The following PDZRN4 variants were observed in gnomAD, a reference collection of about 807,000 sequenced individuals.
The protein encoded by PDZRN4 is PDZ domain-containing RING finger protein 4.
In PDZRN4, 70 loss-of-function variants were observed where a neutral mutation model predicts 99.0. That is an observed-to-expected ratio of 0.71 (90% confidence interval 0.58 to 0.86). The LOEUF is 0.86. Ranked by LOEUF, PDZRN4 falls within the 40% of genes least tolerant of loss-of-function variation. PDZRN4 has a pLI of 0.00. For synonymous variants in PDZRN4, 551 were observed against 501.6 expected (o/e 1.10, Z -1.32); for missense variants, 1,474 against 1,331.2 (o/e 1.11, Z -1.67).
intron 3 of PDZRN4, among the ~76,000 whole-genome samples, chr12:41,310,170 C>T (rs1951597253): frequency 6.6e-6 from 1 of 151,988 alleles, no homozygotes; most frequent in Non-Finnish European, 1.5e-5. Flanking sequence ...TGACCTCAAG[C>T]GATCCACCCG....
At chr12:41,291,255 AT>A (rs11341750) in intron 3 of PDZRN4, among the ~76,000 whole-genome samples, 8,520 of 152,212 alleles carry the variant, frequency 0.056, 261 homozygotes, top group Non-Finnish European at 0.062. Flanking sequence ...AAACACTATT[AT>A]TTGTTCTAAT....
At chr12:41,475,794 T>C (rs34598995) in intron 3 of PDZRN4, among the ~76,000 whole-genome samples, 2 of 152,210 alleles carry the variant, frequency 1.3e-5, no homozygotes, top group Non-Finnish European at 2.9e-5. Context: ...CTGGATGATA[T>C]CTTGAACACA....
chr12:41,343,054 A>G (rs759780122), intron 3 of PDZRN4, among the ~76,000 whole-genome samples: 1 of 151,990 alleles, frequency 6.6e-6, no homozygotes, highest in Non-Finnish European at 1.5e-5. Context: ...GAAAAAGAAT[A>G]AAATACTATC....
intron 3 of PDZRN4, among the ~76,000 whole-genome samples, chr12:41,227,316 C>G (rs1951001404): frequency 1.3e-5 from 2 of 152,112 alleles, no homozygotes; most frequent in Non-Finnish European, 2.9e-5. Context: ...CCCATTGCTT[C>G]TCTATATTTT....
intron 3 of PDZRN4, among the ~76,000 whole-genome samples, chr12:41,367,626 A>G (rs1952011133): frequency 6.6e-6 from 1 of 152,030 alleles, no homozygotes; most frequent in African/African-American, 2.4e-5. Flanking sequence ...TCCTTCATGA[A>G]CACTTTCACA....
intron 3 of PDZRN4, among the ~76,000 whole-genome samples, chr12:41,343,582 G>A (rs895002497): frequency 2.7e-5 from 4 of 146,320 alleles, no homozygotes; most frequent in Admixed American, 6.9e-5. Context: ...GACTGGAGAG[G>A]GGAAGTGGGG....
At chr12:41,352,868 C>T (rs998203860) in intron 3 of PDZRN4, among the ~76,000 whole-genome samples, 2 of 152,046 alleles carry the variant, frequency 1.3e-5, no homozygotes, top group African/African-American at 4.8e-5. Context: ...TAAAACTACA[C>T]ATGTGAAAAG....
chr12:41,479,201 A>T (rs954996622), intron 3 of PDZRN4, among the ~76,000 whole-genome samples: 4 of 152,140 alleles, frequency 2.6e-5, no homozygotes, highest in Non-Finnish European at 4.4e-5. Context: ...CCTGACTTGG[A>T]TGTGGGTATC....
chr12:41,485,438 G>T (rs556522417), intron 3 of PDZRN4, among the ~76,000 whole-genome samples: 1 of 152,128 alleles, frequency 6.6e-6, no homozygotes, highest in African/African-American at 2.4e-5. Flanking sequence ...AGGACTCACC[G>T]GAGGTGTTGC....
chr12:41,346,163 T>C (rs1951852951), intron 3 of PDZRN4, among the ~76,000 whole-genome samples: 1 of 152,126 alleles, frequency 6.6e-6, no homozygotes, highest in Non-Finnish European at 1.5e-5. Context: ...GTATGAACTA[T>C]ATTTGGTTTA....
rs1477214726 is a variant in PDZRN4, at chr12:41,191,469, T to G, written c.660T>G (p.His220Gln). The change falls in exon 2 of 10, where the codon CAT becomes CAG. Residue 220 changes from histidine to glutamine, a missense_variant. By Grantham distance (24) the His-to-Gln change is conservative. Coordinates refer to ENST00000402685, the MANE Select transcript of PDZRN4 (RefSeq NM_001164595.2). ...LGGGHRRDGE[H>Q]KPFTIVLERE... ...ACATTTTTTTCTAGGATGGAGAGCA[T>G]AAGCCATTCACTATTGTGTTAGAAA... 6.5e-7 allele frequency: 1 copy of G among 1,536,680 alleles called. No homozygotes were observed. Among genetic ancestry groups the G allele is most frequent in the Admixed American group, 1.7e-5 (1 of 59,460 alleles).
intron 4 of PDZRN4, among the ~76,000 whole-genome samples, chr12:41,507,519 A>T (rs964532231): frequency 3.3e-5 from 5 of 152,120 alleles, no homozygotes; most frequent in African/African-American, 1.2e-4. Context: ...GATCTGAGTC[A>T]TGCCACTTTC....
chr12:41,424,233 A>T (rs1274938030), intron 3 of PDZRN4, among the ~76,000 whole-genome samples: 4 of 152,132 alleles, frequency 2.6e-5, no homozygotes, highest in African/African-American at 9.7e-5. Context: ...TTCCTCTGAG[A>T]GTTCATATTT....
At chr12:41,328,428 C>T (rs1951723097) in intron 3 of PDZRN4, among the ~76,000 whole-genome samples, 1 of 152,062 alleles carries the variant, frequency 6.6e-6, no homozygotes. Context: ...ACATGAGAGG[C>T]TTAGGAAGCA....
intron 3 of PDZRN4, among the ~76,000 whole-genome samples, chr12:41,405,812 C>A (rs1237763236): frequency 1.3e-5 from 2 of 152,124 alleles, no homozygotes; most frequent in Non-Finnish European, 2.9e-5. Context: ...ATGGGTAGAG[C>A]TGGAGGCCAT....
At chr12:41,534,749 G>C (rs573152512) in intron 5 of PDZRN4, among the ~76,000 whole-genome samples, 1 of 152,062 alleles carries the variant, frequency 6.6e-6, no homozygotes, top group Admixed American at 6.5e-5. Flanking sequence ...CAGATGTTTT[G>C]TCTCAGCACA....
intron 3 of PDZRN4, among the ~76,000 whole-genome samples, chr12:41,450,990 T>A (rs1293975700): frequency 6.6e-6 from 1 of 151,788 alleles, no homozygotes; most frequent in East Asian, 1.9e-4. Flanking sequence ...ATATATATAA[T>A]GTAAAATTTT....
intron 3 of PDZRN4, among the ~76,000 whole-genome samples, chr12:41,495,287 C>T (rs1937975913): frequency 6.6e-6 from 1 of 152,012 alleles, no homozygotes; most frequent in Non-Finnish European, 1.5e-5. Flanking sequence ...CTAAAATAAC[C>T]TCTGAAAATG....
At chr12:41,397,361 T>G (rs1400849827) in intron 3 of PDZRN4, among the ~76,000 whole-genome samples, 2 of 152,222 alleles carry the variant, frequency 1.3e-5, no homozygotes, top group African/African-American at 4.8e-5. Context: ...CAACAAAGGA[T>G]TCTTGCTTTG....
Sources: allele counts gnomAD v4.1 joint callset (sites outside exome capture counted in the v4.1 genomes callset), GRCh38; gene constraint gnomAD v4.1.1; transcripts MANE v1.5; gene names NCBI Gene and HGNC (gene_info 2026-07-23, HGNC 2026-07-21).